The following FAM135B variants were observed in gnomAD, a reference collection of about 807,000 sequenced individuals.
FAM135B encodes protein FAM135B.
A neutral mutation model predicts 127.7 loss-of-function variants in FAM135B; 43 were observed. The observed-to-expected ratio is 0.34, with a 90% CI of 0.26 to 0.43. The LOEUF (loss-of-function observed/expected upper bound fraction) is 0.43, where lower values mean the gene tolerates loss of function less well. Ranked by LOEUF, FAM135B falls within the 20% of genes least tolerant of loss-of-function variation. FAM135B has a pLI of 1.00. For missense variants in FAM135B, 1,558 were observed against 1,725.6 expected (o/e 0.90, Z 1.72); for synonymous variants, 670 against 665.1 (o/e 1.01, Z -0.11).
intron 3 of FAM135B, among the ~76,000 whole-genome samples, chr8:138,295,192 T>A (rs1359568568): frequency 3.9e-5 from 5 of 128,628 alleles, no homozygotes; most frequent in African/African-American, 1.2e-4. Flanking sequence ...GACGTCTAGC[T>A]CATAAAGACT....
intron 2 of FAM135B, among the ~76,000 whole-genome samples, chr8:138,329,982 A>G (rs1563904275): frequency 6.6e-6 from 1 of 152,132 alleles, no homozygotes; most frequent in Non-Finnish European, 1.5e-5. Context: ...TGTTGAACAG[A>G]ACATAAGAAT....
chr8:138,151,083 A>C, intron 13 of FAM135B, 111 bp downstream of exon 13: 2 of 664,818 alleles, frequency 3.0e-6, no homozygotes, highest in Non-Finnish European at 4.8e-6. Context: ...CCTTATTTAA[A>C]TCAGAAAATC....
chr8:138,367,721 T>C (rs340707), intron 2 of FAM135B, among the ~76,000 whole-genome samples, 186 bp downstream of exon 2: 139,021 of 152,096 alleles, frequency 0.91, 64,239 homozygotes, highest in Non-Finnish European at 0.99. Context: ...TGTCAATATG[T>C]GGTTTATTTT....
intron 9 of FAM135B, among the ~76,000 whole-genome samples, chr8:138,189,022 C>A (rs1207486222): frequency 6.6e-6 from 1 of 152,198 alleles, no homozygotes; most frequent in African/African-American, 2.4e-5. Context: ...TGTTTTCCTG[C>A]TTGAATGTTG....
intron 2 of FAM135B, among the ~76,000 whole-genome samples, chr8:138,359,962 A>G (rs956390096): frequency 6.6e-6 from 1 of 152,182 alleles, no homozygotes; most frequent in African/African-American, 2.4e-5. Flanking sequence ...ACACTTTTAC[A>G]TCAGCTCTGA....
In FAM135B at chr8:138,141,124, T is replaced by C. The variant is rs1817103749; in HGVS notation, c.3790+74A>G. On this transcript the variant is annotated intron_variant, in intron 17 of 19. Coordinates refer to ENST00000395297, the MANE Select transcript of FAM135B (RefSeq NM_015912.4). This position sits in a 1 kb window ranked among gnomAD's most constrained non-coding sequence, Gnocchi z 4.7. ...ACAGTCACAGGGTTCCAAGTGGAAGTACCTGTGCCCGGTTTCACGCCCCAG... is the reference window on the plus strand; with the variant it reads ...ACAGTCACAGGGTTCCAAGTGGAAGCACCTGTGCCCGGTTTCACGCCCCAG... 1.4e-6 allele frequency: 2 copies of C among 1,433,852 alleles called. No individual in the cohort carries two copies. Among genetic ancestry groups the C allele is most frequent in the African/African-American group, 1.4e-5 (1 of 71,080 alleles). The allele number at this position is 1,433,852 out of a possible 1,614,324, so 88.8% of individuals were successfully genotyped here.
Position 138,367,984 on chromosome 8 carries a change from G to T in FAM135B, c.-1C>A, listed in dbSNP as rs756853572. 3 of 1,613,276 alleles carry T rather than the reference G, an allele frequency of 1.9e-6. No individual in the cohort carries two copies. Among genetic ancestry groups the T allele is most frequent in the Non-Finnish European group, 1.7e-6 (2 of 1,179,498 alleles). On this transcript the variant is annotated 5_prime_UTR_variant, in exon 2 of 20. Coordinates refer to ENST00000395297, the MANE Select transcript of FAM135B (RefSeq NM_015912.4). Reference sequence around the variant, plus strand: ...CAACCGTTCCTTGTATTTCAGACATGATCTTTTTGGCTCATTACCTGAAAA... The same window carrying T: ...CAACCGTTCCTTGTATTTCAGACATTATCTTTTTGGCTCATTACCTGAAAA...
intron 11 of FAM135B, among the ~76,000 whole-genome samples, chr8:138,171,638 G>A (rs1820460253): frequency 1.3e-5 from 2 of 152,330 alleles, no homozygotes; most frequent in South Asian, 4.1e-4. Flanking sequence ...AGGGAGCTCT[G>A]CAAGAGTGGT....
chr8:138,280,485 G>A (rs1248141829), intron 3 of FAM135B, among the ~76,000 whole-genome samples: 2 of 152,146 alleles, frequency 1.3e-5, no homozygotes, highest in African/African-American at 4.8e-5. Flanking sequence ...TGGGGGCTGA[G>A]CACAAGGAGC....
intron 2 of FAM135B, among the ~76,000 whole-genome samples, chr8:138,320,600 T>C (rs978989141): frequency 1.3e-5 from 2 of 152,130 alleles, no homozygotes; most frequent in Non-Finnish European, 2.9e-5. Context: ...TCCTTAGAGG[T>C]CTCACAGCTG....
intron 1 of FAM135B, among the ~76,000 whole-genome samples, chr8:138,489,488 G>A (rs886616746): frequency 4.6e-5 from 7 of 152,102 alleles, no homozygotes; most frequent in African/African-American, 7.2e-5. Flanking sequence ...CAGTCTCCAT[G>A]CCTCCTGTAT....
intron 7 of FAM135B, among the ~76,000 whole-genome samples, chr8:138,205,024 T>C (rs1390267229): frequency 6.6e-6 from 1 of 152,340 alleles, no homozygotes; most frequent in Admixed American, 6.5e-5. Flanking sequence ...GGTACTATTC[T>C]TAGTTCCTGG....
At chr8:138,282,505 A>T (rs1227067722) in intron 3 of FAM135B, among the ~76,000 whole-genome samples, 6 of 152,226 alleles carry the variant, frequency 3.9e-5, no homozygotes, top group African/African-American at 1.4e-4. Flanking sequence ...CAACCCAATT[A>T]AAAAATGAGC....
chr8:138,160,523 G>A (rs1379137344), intron 12 of FAM135B, among the ~76,000 whole-genome samples: 2 of 151,720 alleles, frequency 1.3e-5, no homozygotes, highest in African/African-American at 2.4e-5. Context: ...CAAGTAGCTG[G>A]GATTACAGGC....
intron 7 of FAM135B, among the ~76,000 whole-genome samples, chr8:138,215,927 A>C (rs1024310374): frequency 6.6e-6 from 1 of 152,208 alleles, no homozygotes. Context: ...AGCATAGAAC[A>C]GGATTCTCTG....
chr8:138,431,235 T>C (rs1835173234), intron 1 of FAM135B, among the ~76,000 whole-genome samples: 1 of 152,206 alleles, frequency 6.6e-6, no homozygotes, highest in African/African-American at 2.4e-5. Context: ...AAACTTCTCT[T>C]ATGTGCTAGG....
At chr8:138,415,146 G>GA (rs1587394879) in intron 1 of FAM135B, among the ~76,000 whole-genome samples, 2 of 152,212 alleles carry the variant, frequency 1.3e-5, no homozygotes, top group Admixed American at 1.3e-4. Flanking sequence ...GGAAATCCAA[G>GA]AACTTGGTTT....
At chr8:138,483,568 CAG>C (rs966386430) in intron 1 of FAM135B, among the ~76,000 whole-genome samples, 63 of 152,210 alleles carry the variant, frequency 4.1e-4, no homozygotes, top group African/African-American at 1.5e-3. Flanking sequence ...GCCTGTGTAA[CAG>C]AGAGAGAGGG....
intron 3 of FAM135B, among the ~76,000 whole-genome samples, chr8:138,285,173 G>A (rs1824580778): frequency 9.9e-6 from 1 of 101,166 alleles, no homozygotes; most frequent in Admixed American, 1.6e-4. Flanking sequence ...TTGAGACAGA[G>A]TCTCACTCTG....
Sources: gnomAD v4.1 joint callset for allele counts (sites outside exome capture counted in the v4.1 genomes callset) on GRCh38, gnomAD v4.1.1 for gene constraint, Gnocchi (gnomAD v3.1) non-coding constraint, MANE v1.5 for transcripts, NCBI Gene and HGNC (gene_info 2026-07-23, HGNC 2026-07-21) for gene names.